HOMER1: variants seen among roughly 807,000 people sequenced by gnomAD.
HOMER1 encodes the protein homer scaffold protein 1.
Under a neutral mutation model 48.9 loss-of-function variants are expected in HOMER1, and 3 were observed. The ratio of observed to expected loss-of-function variants is 0.06; its 90% CI spans 0.03 to 0.16. HOMER1 has a LOEUF of 0.16. Among genes scored for constraint, HOMER1 ranks in the 10% least tolerant of loss-of-function variants. HOMER1 has a pLI of 1.00. For missense variants in HOMER1, 247 were observed against 411.4 expected, an observed-to-expected ratio of 0.60 and a Z score of 3.46; for synonymous variants, 134 against 146.4, an observed-to-expected ratio of 0.92 and a Z score of 0.61.
intron 1 of HOMER1, among the ~76,000 whole-genome samples, chr5:79,461,757 T>G (rs887674770): frequency 1.5e-4 from 23 of 152,298 alleles, no homozygotes; most frequent in Admixed American, 2.6e-4. Flanking sequence ...TATTACTAAT[T>G]ATATTTATAA....
chr5:79,403,514 A>T (rs1417674922), intron 5 of HOMER1, among the ~76,000 whole-genome samples: 3 of 152,182 alleles, frequency 2.0e-5, no homozygotes, highest in African/African-American at 7.2e-5. Flanking sequence ...ACAATGAGAA[A>T]ATATCATATA....
At position 79,375,543 on chromosome 5, in the gene HOMER1, A is replaced by G. The variant is rs1240469117; in HGVS notation, c.*466T>C. ...CAGCAGTGCAAAAATATCCTGAGAA[A>G]TTATTCAGATTACAACAAAAGACAG... On this transcript the variant is annotated 3_prime_UTR_variant, in exon 9 of 9. Coordinates refer to ENST00000334082, the MANE Select transcript of HOMER1 (RefSeq NM_004272.5). 6.6e-6 allele frequency: 1 copy of G among 152,200 alleles called. No individual in the cohort carries two copies. Among genetic ancestry groups the G allele is most frequent in the Non-Finnish European group, 1.5e-5 (1 of 68,024 alleles). 9.4% of individuals were successfully genotyped at this position (152,200 alleles called of 1,614,324 possible). A position where few individuals can be genotyped will look rare whatever the true frequency, so the allele number is the denominator to read the frequency against.
rs527901884 is a variant in HOMER1 at position 79,393,653 on chromosome 5, T to C, written c.876+3170A>G. ...TCCCAGCATAAGAAATTTTAAAACA[T>C]TGACACCAAGCAATTCTTGTTTGAA... On this transcript the variant is annotated intron_variant, in intron 8 of 8. Coordinates refer to ENST00000334082, the MANE Select transcript of HOMER1 (RefSeq NM_004272.5). Among the ~76,000 whole-genome samples, 12 of 152,314 alleles carry C rather than the reference T, an allele frequency of 7.9e-5. No individual in the cohort carries two copies. The South Asian group carries it at 2.1e-3, about 26-fold the overall frequency.
At chr5:79,415,384 T>C (rs1275571149) in intron 5 of HOMER1, among the ~76,000 whole-genome samples, 1 of 152,154 alleles carries the variant, frequency 6.6e-6, no homozygotes. Context: ...TCACCAATGT[T>C]ACTGATAGCA....
At chr5:79,467,153 C>T (rs1751488744) in intron 1 of HOMER1, among the ~76,000 whole-genome samples, 1 of 151,888 alleles carries the variant, frequency 6.6e-6, no homozygotes, top group African/African-American at 2.4e-5. Context: ...AATCCTAGCA[C>T]TTTGGGAAGC....
At chr5:79,495,319 C>A (rs1353697827) in intron 1 of HOMER1, among the ~76,000 whole-genome samples, 1 of 152,136 alleles carries the variant, frequency 6.6e-6, no homozygotes, top group Non-Finnish European at 1.5e-5. Context: ...CACCTCTCTA[C>A]CTAAAATACC....
Position 79,451,029 on chromosome 5 carries a change from A to C in HOMER1, c.255T>G (p.Val85=), listed in dbSNP as rs1347208318. The C allele has an allele frequency of 1.9e-6, 3 of 1,613,810 alleles. No individual in the cohort carries two copies. Among genetic ancestry groups the C allele is most frequent in the African/African-American group, 2.7e-5 (2 of 74,922 alleles). ...GCTCAGAGGAGAATCCCAATCCATA[A>C]ACGGTGTTTGCCCGGCTATCAGCCC... ...GQWADSRANT[V]YGLGFSSEHH... The change falls in exon 3 of 9, where the codon GTT becomes GTG. Residue 85 remains valine, a synonymous_variant. Transcript: ENST00000334082.
chr5:79,423,808 A>G (rs983567635), intron 5 of HOMER1, among the ~76,000 whole-genome samples: 1 of 152,126 alleles, frequency 6.6e-6, no homozygotes, highest in Non-Finnish European at 1.5e-5. Flanking sequence ...AGGAAACTGT[A>G]GCTCAAAGAG....
In HOMER1 at chr5:79,379,079, CATATATATATATATATATATATAT is replaced by C. The variant is rs3082000; in HGVS notation, c.877-2906_877-2883del. Reference sequence around the variant, plus strand: ...ACTTCTTAGGTGTCTACCTTTTGTCCATATATATATATATATATATATATATATATATATAAAATATATAAATAT... The same window carrying C: ...ACTTCTTAGGTGTCTACCTTTTGTCCATATATATATAAAATATATAAATAT... On this transcript the variant is annotated intron_variant, in intron 8 of 8. Coordinates refer to ENST00000334082, the MANE Select transcript of HOMER1 (RefSeq NM_004272.5). 2.2e-4 allele frequency among the ~76,000 whole-genome samples: 12 copies of C among 55,216 alleles called. 2 individuals are homozygous for C. The highest frequency in any genetic ancestry group is 7.1e-4 in the South Asian group (1 of 1,404). 36.2% of individuals were successfully genotyped at this position (55,216 alleles called of 152,430 possible).
intron 1 of HOMER1, among the ~76,000 whole-genome samples, chr5:79,472,543 G>A (rs1011016553): frequency 9.9e-5 from 15 of 152,022 alleles, no homozygotes; most frequent in African/African-American, 3.6e-4. Context: ...GGGAGGCTGA[G>A]GTAGGAGAAT....
At chr5:79,446,901 A>G in intron 4 of HOMER1, 152 bp downstream of exon 4, 1 of 547,962 alleles carries the variant, frequency 1.8e-6, no homozygotes, top group South Asian at 2.3e-5. Flanking sequence ...TAATCCTCCC[A>G]CCTAAGCCTA....
At chr5:79,389,624 C>G (rs1749197777) in intron 8 of HOMER1, among the ~76,000 whole-genome samples, 1 of 152,196 alleles carries the variant, frequency 6.6e-6, no homozygotes, top group Admixed American at 6.5e-5. Context: ...TTCATTCCCT[C>G]TGGAGGATGC....
At chr5:79,495,032 A>G (rs1752382770) in intron 1 of HOMER1, among the ~76,000 whole-genome samples, 1 of 152,154 alleles carries the variant, frequency 6.6e-6, no homozygotes, top group Non-Finnish European at 1.5e-5. Context: ...TATCATTTCT[A>G]TTTTTATATG....
At chr5:79,415,347 G>A (rs1019642141) in intron 5 of HOMER1, among the ~76,000 whole-genome samples, 4 of 151,778 alleles carry the variant, frequency 2.6e-5, no homozygotes, top group South Asian at 4.2e-4. Flanking sequence ...GTGCCTGGCC[G>A]AGAATAGTTT....
intron 5 of HOMER1, among the ~76,000 whole-genome samples, chr5:79,417,026 G>A (rs887513400): frequency 2.0e-5 from 3 of 152,150 alleles, no homozygotes; most frequent in Admixed American, 6.5e-5. Context: ...CCTACTGCTA[G>A]TTCCTAAGTG....
chr5:79,394,709 G>A (rs564348410), intron 8 of HOMER1, among the ~76,000 whole-genome samples: 2 of 152,212 alleles, frequency 1.3e-5, no homozygotes, highest in East Asian at 1.9e-4. Flanking sequence ...GACTACAGGT[G>A]CACACCACCA....
At chr5:79,425,669 T>C (rs1037529228) in intron 5 of HOMER1, among the ~76,000 whole-genome samples, 3 of 152,028 alleles carry the variant, frequency 2.0e-5, no homozygotes, top group Non-Finnish European at 4.4e-5. Flanking sequence ...GGTGAAAAGA[T>C]ATAACTACTA....
chr5:79,509,630 GCCTTCACTGCAATTAA>G (rs1371727754), intron 1 of HOMER1, among the ~76,000 whole-genome samples: 91 of 152,220 alleles, frequency 6.0e-4, no homozygotes, highest in Non-Finnish European at 9.3e-4. Context: ...TACTTTAGTT[GCCTTCACTGCAATTAA>G]CAGTTCATGC....
intron 1 of HOMER1, among the ~76,000 whole-genome samples, chr5:79,482,288 C>T (rs1751971050): frequency 6.6e-6 from 1 of 152,070 alleles, no homozygotes. Context: ...ATCTAACATT[C>T]AGTGGATAAG....
Sources: gnomAD v4.1 joint callset for allele counts (sites outside exome capture counted in the v4.1 genomes callset) on GRCh38, gnomAD v4.1.1 for gene constraint, MANE v1.5 for transcripts, NCBI Gene and HGNC (gene_info 2026-07-23, HGNC 2026-07-21) for gene names.